SNX29: variants seen among roughly 807,000 people sequenced by gnomAD.
SNX29 encodes sorting nexin-29.
SNX29 carries 78 observed loss-of-function variants against 102.1 expected under a neutral mutation model. That is an observed-to-expected ratio of 0.76 (90% CI 0.64 to 0.92). The LOEUF is 0.92. Ranked by LOEUF, SNX29 falls within the 40% of genes least tolerant of loss-of-function variation. SNX29 has a pLI of 0.00. For synonymous variants in SNX29, 580 were observed against 414.5 expected (o/e 1.40, Z -4.85); for missense variants, 1,280 against 1,061.7 (o/e 1.21, Z -2.86).
chr16:12,269,493 T>C (rs1373503595), intron 14 of SNX29, among the ~76,000 whole-genome samples: 1 of 152,210 alleles, frequency 6.6e-6, no homozygotes, highest in Non-Finnish European at 1.5e-5. Flanking sequence ...CTGACCTATC[T>C]TTCTACATTG....
At chr16:12,152,425 G>A (rs1263546598) in intron 13 of SNX29, among the ~76,000 whole-genome samples, 1 of 152,334 alleles carries the variant, frequency 6.6e-6, no homozygotes, top group East Asian at 1.9e-4. Flanking sequence ...AGATGGGCAT[G>A]TGGGGAGCAG....
In SNX29 at chr16:11,983,257, T is replaced by G. The variant is rs1436720039; in HGVS notation, c.7+6444T>G. On this transcript the variant is annotated intron_variant, in intron 1 of 20. Transcript: ENST00000566228. Reference sequence around the variant, plus strand: ...ACAATTTTTTTTTTTTTTTTTTTTTTGTAGAGATTGGGTCTTACTACGTTA... The same window carrying G: ...ACAATTTTTTTTTTTTTTTTTTTTTGGTAGAGATTGGGTCTTACTACGTTA... 5.7e-3 allele frequency among the ~76,000 whole-genome samples: 694 copies of G among 122,488 alleles called. 6 individuals are homozygous for G. Among genetic ancestry groups the G allele is most frequent in the African/African-American group, 0.021 (658 of 31,456 alleles). The allele number at this position is 122,488 out of a possible 152,430, so 80.4% of individuals were successfully genotyped here.
At chr16:12,299,390 C>T (rs909100044) in intron 15 of SNX29, among the ~76,000 whole-genome samples, 2 of 152,154 alleles carry the variant, frequency 1.3e-5, no homozygotes, top group Admixed American at 6.5e-5. Context: ...TTCAAGTTGT[C>T]CTATCTTCAG....
At chr16:12,135,945 C>T (rs1056582203) in intron 13 of SNX29, among the ~76,000 whole-genome samples, 2 of 152,200 alleles carry the variant, frequency 1.3e-5, no homozygotes, top group Non-Finnish European at 2.9e-5. Flanking sequence ...TCGGGGGGAG[C>T]CCCTTGGACT....
intron 20 of SNX29, chr16:12,545,366 C>A (rs758637997): frequency 9.9e-5 from 15 of 152,172 alleles, no homozygotes; most frequent in Non-Finnish European, 1.8e-4. Flanking sequence ...AGAGTGACAA[C>A]CCATTGTCAC....
chr16:12,132,423 T>G (rs2054503766), intron 13 of SNX29, among the ~76,000 whole-genome samples: 1 of 152,198 alleles, frequency 6.6e-6, no homozygotes, highest in African/African-American at 2.4e-5. Context: ...ATGGCTTGTA[T>G]TAGCAGTCAG....
chr16:12,211,684 A>G (rs1015252290), intron 14 of SNX29, among the ~76,000 whole-genome samples: 1 of 152,178 alleles, frequency 6.6e-6, no homozygotes, highest in African/African-American at 2.4e-5. Flanking sequence ...GCTGGAGTCC[A>G]GAGAGAAACT....
chr16:12,355,515 T>G (rs1325772241), intron 15 of SNX29, among the ~76,000 whole-genome samples: 1 of 152,172 alleles, frequency 6.6e-6, no homozygotes, highest in Non-Finnish European at 1.5e-5. Context: ...TTCTGGGGAC[T>G]TCTCTTAAAG....
At chr16:12,450,246 A>G (rs1418018146) in intron 18 of SNX29, among the ~76,000 whole-genome samples, 1 of 152,194 alleles carries the variant, frequency 6.6e-6, no homozygotes, top group Non-Finnish European at 1.5e-5. Flanking sequence ...AGACTAATAC[A>G]ATTCCCATGA....
chr16:12,388,598 C>T (rs1192433230), intron 16 of SNX29, among the ~76,000 whole-genome samples: 3 of 152,236 alleles, frequency 2.0e-5, no homozygotes, highest in Non-Finnish European at 4.4e-5. Context: ...CTGTCTCTCT[C>T]ACTGTTACTC....
chr16:12,551,472 T>C (rs2077972747), intron 20 of SNX29, among the ~76,000 whole-genome samples: 1 of 152,222 alleles, frequency 6.6e-6, no homozygotes, highest in South Asian at 2.1e-4. Flanking sequence ...GGCCAGGCCC[T>C]GCCTGGTTAA....
intron 20 of SNX29, among the ~76,000 whole-genome samples, chr16:12,559,585 T>C (rs1392538562): frequency 6.6e-6 from 1 of 151,860 alleles, no homozygotes; most frequent in Non-Finnish European, 1.5e-5. Context: ...TCATCCCTGG[T>C]GCCAAAAAGG....
At position 12,481,805 on chromosome 16, in the gene SNX29, G is replaced by A. The variant is rs371141532; in HGVS notation, c.2178+3946G>A. On this transcript the variant is annotated intron_variant, in intron 19 of 20. Transcript: ENST00000566228. ...CCACCTCGGCCTCACAAAGTGCTGG[G>A]ATTACAGGTGTGAGTAACAGGAGGG... 1.1e-4 allele frequency among the ~76,000 whole-genome samples: 16 copies of A among 152,334 alleles called. No homozygotes were observed. In the East Asian group the frequency reaches 2.3e-3, roughly 22 times the overall value.
intron 15 of SNX29, among the ~76,000 whole-genome samples, chr16:12,353,191 A>C (rs571175579): frequency 3.3e-5 from 5 of 152,286 alleles, no homozygotes; most frequent in Admixed American, 2.0e-4. Context: ...TGTGCCTGGA[A>C]GATGGCTAGC....
intron 14 of SNX29, among the ~76,000 whole-genome samples, chr16:12,241,540 A>C (rs1210276415): frequency 1.3e-5 from 2 of 151,624 alleles, no homozygotes; most frequent in Admixed American, 6.6e-5. Context: ...GCTCACTGCA[A>C]CCTCCACCTC....
chr16:12,514,693 C>T (rs1349951413), intron 19 of SNX29, among the ~76,000 whole-genome samples: 1 of 152,034 alleles, frequency 6.6e-6, no homozygotes. Flanking sequence ...GGTGAAACCC[C>T]GTCTCTAGTA....
At chr16:12,116,800 G>A (rs760712897) in intron 11 of SNX29, among the ~76,000 whole-genome samples, 12 of 152,318 alleles carry the variant, frequency 7.9e-5, no homozygotes, top group East Asian at 3.8e-4. Flanking sequence ...CTGCTTCAAC[G>A]CGGACGAACC....
chr16:12,267,831 ACTT>A (rs1034347804), intron 14 of SNX29, among the ~76,000 whole-genome samples: 6 of 152,006 alleles, frequency 3.9e-5, no homozygotes, highest in African/African-American at 7.3e-5. Context: ...CAATCATCGC[ACTT>A]CTTCTGAATC....
At chr16:12,518,987 C>A (rs1004336174) in intron 19 of SNX29, among the ~76,000 whole-genome samples, 4 of 152,172 alleles carry the variant, frequency 2.6e-5, no homozygotes, top group Non-Finnish European at 5.9e-5. Flanking sequence ...GGGTATAAAT[C>A]AGGGCTTGCA....
Sources: allele counts gnomAD v4.1 joint callset (sites outside exome capture counted in the v4.1 genomes callset), GRCh38; gene constraint gnomAD v4.1.1; transcripts MANE v1.5; gene names NCBI Gene and HGNC (gene_info 2026-07-23, HGNC 2026-07-21).